The following FSTL5 variants were observed in gnomAD, a reference collection of about 807,000 sequenced individuals.
FSTL5 encodes follistatin-related protein 5.
FSTL5 carries 62 observed loss-of-function variants against 89.1 expected under a neutral mutation model. The ratio of observed to expected loss-of-function variants is 0.70; its 90% CI spans 0.57 to 0.86. The LOEUF (loss-of-function observed/expected upper bound fraction) is 0.86. Among genes scored for constraint, FSTL5 ranks in the 40% least tolerant of loss-of-function variants. The probability of loss-of-function intolerance (pLI) is 0.00; values close to 1 mark genes in which losing one functional copy is unlikely to be tolerated. For synonymous variants in FSTL5, 383 were observed against 346.2 expected, an observed-to-expected ratio of 1.11 and a Z score of -1.18; for missense variants, 1,057 against 1,001.6, an observed-to-expected ratio of 1.06 and a Z score of -0.75.
chr4:161,816,994 A>T (rs1259417499), intron 4 of FSTL5, among the ~76,000 whole-genome samples: 2 of 152,178 alleles, frequency 1.3e-5, no homozygotes, highest in East Asian at 1.9e-4. Context: ...CTGACTTTTC[A>T]TAGAGTTGAA....
At chr4:161,467,179 C>A (rs1733775415) in intron 13 of FSTL5, among the ~76,000 whole-genome samples, 1 of 151,942 alleles carries the variant, frequency 6.6e-6, no homozygotes, top group Admixed American at 6.6e-5. Flanking sequence ...TTCACTGCCT[C>A]ATTTCTATAT....
intron 4 of FSTL5, among the ~76,000 whole-genome samples, chr4:161,833,837 T>C (rs942065837): frequency 6.6e-6 from 1 of 151,924 alleles, no homozygotes; most frequent in African/African-American, 2.4e-5. Flanking sequence ...CTTTATCCAA[T>C]TTGCCAGTCT....
chr4:162,083,935 GTTAA>G (rs748536517), intron 2 of FSTL5, among the ~76,000 whole-genome samples: 5 of 151,766 alleles, frequency 3.3e-5, no homozygotes, highest in Admixed American at 3.3e-4. Context: ...GTGAGAACAA[GTTAA>G]TTAATAATTT....
At chr4:161,848,068 C>T (rs1340245398) in intron 4 of FSTL5, among the ~76,000 whole-genome samples, 1 of 108,904 alleles carries the variant, frequency 9.2e-6, no homozygotes. Context: ...AAAAACAAGA[C>T]ATATCAAACA....
At chr4:161,621,267 T>TACACACACACACACACACACAC (rs146037793) in intron 7 of FSTL5, among the ~76,000 whole-genome samples, 1 of 146,078 alleles carries the variant, frequency 6.8e-6, no homozygotes, top group African/African-American at 2.5e-5. Flanking sequence ...ATGTAAAGAC[T>TACACACACACACACACACACAC]ACACACACAC....
At chr4:161,596,326 T>C (rs1734010011) in intron 7 of FSTL5, among the ~76,000 whole-genome samples, 1 of 151,890 alleles carries the variant, frequency 6.6e-6, no homozygotes, top group African/African-American at 2.4e-5. Flanking sequence ...GATTTAAATA[T>C]GCAATAGAAA....
intron 4 of FSTL5, among the ~76,000 whole-genome samples, chr4:161,892,994 CAAGT>C (rs1344518364): frequency 6.6e-6 from 1 of 152,024 alleles, no homozygotes; most frequent in Non-Finnish European, 1.5e-5. Context: ...TAGAAAGATA[CAAGT>C]GAGTGTTTTC....
intron 4 of FSTL5, among the ~76,000 whole-genome samples, chr4:161,862,723 T>C (rs1329421224): frequency 2.0e-5 from 3 of 151,960 alleles, no homozygotes; most frequent in Admixed American, 6.6e-5. Context: ...AGAGAGAGAC[T>C]CCATCTCAAA....
At chr4:161,442,552 T>C (rs1316221209) in intron 15 of FSTL5, among the ~76,000 whole-genome samples, 1 of 152,066 alleles carries the variant, frequency 6.6e-6, no homozygotes, top group Admixed American at 6.6e-5. Flanking sequence ...AAGATAAAAA[T>C]TGGGACTTGG....
At chr4:161,550,672 C>T (rs867769942) in intron 8 of FSTL5, among the ~76,000 whole-genome samples, 53 of 151,466 alleles carry the variant, frequency 3.5e-4, no homozygotes, top group South Asian at 1.0e-3. Flanking sequence ...CATGCTGGTG[C>T]GCTGCACCCA....
chr4:162,116,115 G>C (rs929984190), intron 1 of FSTL5, among the ~76,000 whole-genome samples: 1 of 152,154 alleles, frequency 6.6e-6, no homozygotes, highest in Non-Finnish European at 1.5e-5. Context: ...GGCCATTTCA[G>C]GTTCTTGACT....
intron 3 of FSTL5, among the ~76,000 whole-genome samples, chr4:161,973,877 A>C (rs1735556143): frequency 6.6e-6 from 1 of 152,168 alleles, no homozygotes; most frequent in African/African-American, 2.4e-5. Flanking sequence ...TCAGCCCAAA[A>C]TCTCCTTAAG....
chr4:161,455,192 T>C (rs961653927), intron 14 of FSTL5, 64 bp from the exon 15 acceptor site: 2 of 1,331,082 alleles, frequency 1.5e-6, no homozygotes, highest in Non-Finnish European at 2.0e-6. Context: ...AAGCTTTAAT[T>C]TTATTTAGAG....
chr4:161,552,941 G>A (rs567373751), intron 8 of FSTL5, among the ~76,000 whole-genome samples: 38 of 151,620 alleles, frequency 2.5e-4, no homozygotes, highest in African/African-American at 9.2e-4. Flanking sequence ...TTTTAGCTAG[G>A]AAGTGCACTC....
chr4:161,712,163 G>A (rs551303070), intron 6 of FSTL5, among the ~76,000 whole-genome samples: 1 of 152,202 alleles, frequency 6.6e-6, no homozygotes, highest in South Asian at 2.1e-4. Context: ...TTCCTTTTTG[G>A]GGGTAGAAAT....
intron 8 of FSTL5, among the ~76,000 whole-genome samples, chr4:161,567,273 TTTAAA>T (rs1380958886): frequency 6.6e-6 from 1 of 152,110 alleles, no homozygotes; most frequent in Non-Finnish European, 1.5e-5. Flanking sequence ...AATTCATTAA[TTTAAA>T]TAAAATAAAA....
At chr4:161,996,640 T>C (rs1312822325) in intron 3 of FSTL5, among the ~76,000 whole-genome samples, 1 of 152,226 alleles carries the variant, frequency 6.6e-6, no homozygotes, top group Non-Finnish European at 1.5e-5. Context: ...AGCCTAATAC[T>C]TTTCCTGCCT....
At chr4:161,987,000 C>A (rs1735981282) in intron 3 of FSTL5, among the ~76,000 whole-genome samples, 1 of 152,148 alleles carries the variant, frequency 6.6e-6, no homozygotes, top group South Asian at 2.1e-4. Context: ...GCCTATTGGT[C>A]ATATTCATAC....
intron 6 of FSTL5, among the ~76,000 whole-genome samples, chr4:161,748,565 A>C (rs1307426986): frequency 2.0e-5 from 3 of 149,960 alleles, no homozygotes; most frequent in African/African-American, 7.4e-5. Flanking sequence ...AAGCTGTTTC[A>C]CTGTTAATTG....
Sources: gnomAD v4.1 joint callset for allele counts (sites outside exome capture counted in the v4.1 genomes callset) on GRCh38, gnomAD v4.1.1 for gene constraint, MANE v1.5 for transcripts, NCBI Gene and HGNC (gene_info 2026-07-23, HGNC 2026-07-21) for gene names.